The following NELL2 variants were observed in gnomAD, a reference collection of about 807,000 sequenced individuals.
NELL2 encodes the protein protein kinase C-binding protein NELL2.
A neutral mutation model predicts 109.6 loss-of-function variants in NELL2; 41 were observed. That is an observed-to-expected ratio of 0.37 (90% CI 0.29 to 0.49). The LOEUF is 0.49. NELL2 is among the 20% of genes least tolerant of loss of function. The pLI is 0.98. For synonymous variants in NELL2, 355 were observed against 344.7 expected, an observed-to-expected ratio of 1.03 and a Z score of -0.33; for missense variants, 900 against 1,008.3, an observed-to-expected ratio of 0.89 and a Z score of 1.45.
rs537558738 is a variant in NELL2, at chr12:44,595,736, T to C, written c.1663+11433A>G. Among the ~76,000 whole-genome samples the C allele has an allele frequency of 6.6e-5, 10 of 152,036 alleles. No homozygotes were observed. The South Asian group carries it at 1.7e-3, about 25-fold the overall frequency. On this transcript the variant is annotated intron_variant, in intron 15 of 19. Transcript: ENST00000429094. ...GATTACAGGCATGAGCCACCACGCC[T>C]GGCCCCTTTAACTTGTTTTTTAAGG...
At chr12:44,836,558 G>A (rs1192332587) in intron 2 of NELL2, among the ~76,000 whole-genome samples, 1 of 152,186 alleles carries the variant, frequency 6.6e-6, no homozygotes, top group African/African-American at 2.4e-5. Context: ...AATAAAGGGA[G>A]GAGGCTACAG....
chr12:44,767,084 C>T (rs925770925), intron 9 of NELL2, among the ~76,000 whole-genome samples: 11 of 152,110 alleles, frequency 7.2e-5, no homozygotes, highest in Admixed American at 2.6e-4. Context: ...CGTGTTACGT[C>T]TACCGGAAAA....
At chr12:44,835,629 T>C (rs1206816792) in intron 2 of NELL2, among the ~76,000 whole-genome samples, 1 of 152,236 alleles carries the variant, frequency 6.6e-6, no homozygotes, top group Non-Finnish European at 1.5e-5. Context: ...CTTGTCCTAA[T>C]GTTTACACAG....
chr12:44,735,471 C>A (rs1207312122), intron 9 of NELL2, among the ~76,000 whole-genome samples: 2 of 152,206 alleles, frequency 1.3e-5, no homozygotes, highest in Non-Finnish European at 2.9e-5. Context: ...TATATCCATG[C>A]AACATCTTGT....
intron 12 of NELL2, among the ~76,000 whole-genome samples, chr12:44,677,541 C>A (rs774628482): frequency 6.6e-6 from 1 of 152,056 alleles, no homozygotes; most frequent in Non-Finnish European, 1.5e-5. Context: ...GAAGGGTGTT[C>A]AGCAGGGACA....
chr12:44,571,726 T>C (rs181880251), intron 15 of NELL2, among the ~76,000 whole-genome samples: 23 of 152,388 alleles, frequency 1.5e-4, no homozygotes, highest in Middle Eastern at 3.4e-3. Context: ...ATATGAGAAG[T>C]TGTTACCCTT....
In NELL2 at chr12:44,582,317, A is replaced by G. The variant is rs567295967; in HGVS notation, c.1663+24852T>C. Among the ~76,000 whole-genome samples the G allele has an allele frequency of 5.9e-5, 9 of 152,296 alleles. No individual in the cohort carries two copies. The South Asian group carries it at 1.9e-3, about 32-fold the overall frequency. ...GTATGTTTTTCCTCCAGCCACAATC[A>G]GCTGCTCAGGAGCAGAATGGAAGCC... On this transcript the variant is annotated intron_variant, in intron 15 of 19. Transcript: ENST00000429094.
intron 1 of NELL2, among the ~76,000 whole-genome samples, chr12:44,890,242 AG>A (rs1188749868): frequency 6.6e-6 from 1 of 152,188 alleles, no homozygotes; most frequent in African/African-American, 2.4e-5. Context: ...TAAATGTGGG[AG>A]TGGCACAGGT....
At chr12:44,882,984 G>A (rs1193177045) in intron 1 of NELL2, among the ~76,000 whole-genome samples, 2 of 150,360 alleles carry the variant, frequency 1.3e-5, no homozygotes, top group Non-Finnish European at 2.9e-5. Flanking sequence ...GAGACTACAG[G>A]CATGTAACAA....
At chr12:44,622,483 C>G (rs935075339) in intron 13 of NELL2, among the ~76,000 whole-genome samples, 1 of 152,140 alleles carries the variant, frequency 6.6e-6, no homozygotes, top group African/African-American at 2.4e-5. Context: ...AAGGCCTGCT[C>G]TCCTTTAATA....
chr12:44,626,591 CTAAT>C (rs1312672595), intron 13 of NELL2, among the ~76,000 whole-genome samples: 1 of 152,116 alleles, frequency 6.6e-6, no homozygotes, highest in Non-Finnish European at 1.5e-5. Context: ...GACAGAGACC[CTAAT>C]TTATTCACTG....
At chr12:44,578,984 G>A (rs1200396642) in intron 15 of NELL2, among the ~76,000 whole-genome samples, 1 of 152,004 alleles carries the variant, frequency 6.6e-6, no homozygotes, top group East Asian at 1.9e-4. Context: ...TTGTTTGTTT[G>A]TTTTGCATTA....
chr12:44,848,153 A>T (rs2136769810), intron 2 of NELL2, among the ~76,000 whole-genome samples: 1 of 152,230 alleles, frequency 6.6e-6, no homozygotes, highest in East Asian at 1.9e-4. Context: ...GTAAACACTG[A>T]AGTGCAGCAG....
At chr12:44,677,476 T>C (rs188686314) in intron 12 of NELL2, among the ~76,000 whole-genome samples, 3 of 152,248 alleles carry the variant, frequency 2.0e-5, no homozygotes, top group Admixed American at 6.5e-5. Context: ...TCCAGACATA[T>C]TCTATGCCTA....
chr12:44,796,712 A>T (rs184868787), intron 3 of NELL2, among the ~76,000 whole-genome samples: 1 of 152,264 alleles, frequency 6.6e-6, no homozygotes, highest in Admixed American at 6.5e-5. Flanking sequence ...GAGGATAACA[A>T]AACTTTTTCA....
At chr12:44,562,464 T>A (rs1943501520) in intron 15 of NELL2, among the ~76,000 whole-genome samples, 2 of 151,912 alleles carry the variant, frequency 1.3e-5, no homozygotes, top group African/African-American at 4.8e-5. Flanking sequence ...TTAAACAAAT[T>A]TACAAGAAAA....
At chr12:44,521,171 T>C (rs1245572838) in intron 18 of NELL2, among the ~76,000 whole-genome samples, 1 of 152,172 alleles carries the variant, frequency 6.6e-6, no homozygotes, top group Non-Finnish European at 1.5e-5. Flanking sequence ...CTAGTAAAAG[T>C]TTTATAAATA....
rs1945307013 is a variant in NELL2, at chr12:44,875,953, T to C, written c.-84A>G. ...AGGTTCTTGGAATCAAGCGGGAAAA[T>C]AACGTTTGTCTCTCCTGCTGCTGCC... On this transcript the variant is annotated 5_prime_UTR_variant, in exon 1 of 20. Transcript: ENST00000429094. 2 of 1,600,740 alleles carry C rather than the reference T, an allele frequency of 1.2e-6. No individual in the cohort carries two copies. Among genetic ancestry groups the C allele is most frequent in the African/African-American group, 1.3e-5 (1 of 74,818 alleles).
intron 11 of NELL2, 77 bp downstream of exon 11, chr12:44,711,215 T>C (rs1051076961): frequency 3.7e-6 from 4 of 1,082,578 alleles, no homozygotes; most frequent in African/African-American, 1.6e-5. Context: ...CTTATGAGAA[T>C]TTCTACTTCA....
Sources: gnomAD v4.1 joint callset for allele counts (sites outside exome capture counted in the v4.1 genomes callset) on GRCh38, gnomAD v4.1.1 for gene constraint, MANE v1.5 for transcripts, NCBI Gene and HGNC (gene_info 2026-07-23, HGNC 2026-07-21) for gene names.